Variants in DCAF12 observed in about 807,000 individuals in gnomAD.
DCAF12 encodes DDB1 and CUL4 associated factor 12.
A neutral mutation model predicts 52.8 loss-of-function variants in DCAF12; 28 were observed. That is an observed-to-expected ratio of 0.53 (90% confidence interval 0.39 to 0.73). The LOEUF (loss-of-function observed/expected upper bound fraction) is 0.73, where lower values mean the gene tolerates loss of function less well. Ranked by LOEUF, DCAF12 falls within the 30% of genes least tolerant of loss-of-function variation. The pLI, the probability that DCAF12 is intolerant of heterozygous loss-of-function variation, is 0.00. For synonymous variants in DCAF12, 196 were observed against 215.5 expected (o/e 0.91, Z 0.79); for missense variants, 425 against 552.2 (o/e 0.77, Z 2.31).
At chr9:34,119,718 T>G (rs76502913) in intron 2 of DCAF12, among the ~76,000 whole-genome samples, 1 of 151,368 alleles carries the variant, frequency 6.6e-6, no homozygotes, top group Admixed American at 6.6e-5. Context: ...TTTTTTTTTT[T>G]TGAGACAGGG....
At chr9:34,088,652 G>A in intron 8 of DCAF12, 144 bp from the exon 9 acceptor site, 2 of 861,724 alleles carry the variant, frequency 2.3e-6, no homozygotes, top group Non-Finnish European at 1.8e-6. Flanking sequence ...TGGCTGGTTG[G>A]TTCTCATGGG....
At chr9:34,116,090 G>A (rs141324661) in intron 2 of DCAF12, among the ~76,000 whole-genome samples, 1,927 of 152,272 alleles carry the variant, frequency 0.013, 22 homozygotes, top group Non-Finnish European at 0.021. Flanking sequence ...AGGGCTGGGT[G>A]CGGTGGCTCA....
intron 2 of DCAF12, among the ~76,000 whole-genome samples, chr9:34,117,882 C>A (rs1482176415): frequency 6.6e-6 from 1 of 152,126 alleles, no homozygotes. Flanking sequence ...CCATCACACT[C>A]CAGCCTGGGC....
At chr9:34,089,304 A>G (rs995021747) in intron 8 of DCAF12, 108 bp downstream of exon 8, 2 of 1,259,886 alleles carry the variant, frequency 1.6e-6, no homozygotes, top group Admixed American at 2.4e-5. Context: ...AGTGCCTCTT[A>G]CTAGTGAAAA....
intron 6 of DCAF12, among the ~76,000 whole-genome samples, chr9:34,095,371 CCTT>C (rs1564094591): frequency 1.7e-5 from 2 of 115,208 alleles, no homozygotes; most frequent in Admixed American, 1.0e-4. Flanking sequence ...CCGCGCCAGG[CCTT>C]TTTTTTTTTT....
intron 6 of DCAF12, among the ~76,000 whole-genome samples, chr9:34,095,281 G>A (rs1023841361): frequency 2.0e-5 from 3 of 151,286 alleles, no homozygotes. Flanking sequence ...CGCCATGTTG[G>A]CCAGCATGGT....
At chr9:34,120,999 C>T (rs1015272448) in intron 2 of DCAF12, among the ~76,000 whole-genome samples, 2 of 151,952 alleles carry the variant, frequency 1.3e-5, no homozygotes, top group African/African-American at 2.4e-5. Context: ...ACTAAAAATA[C>T]GAAAATTAGC....
chr9:34,102,666 A>AAACAAC (rs10624115), intron 4 of DCAF12, among the ~76,000 whole-genome samples: 106,363 of 151,022 alleles, frequency 0.7, 38,124 homozygotes, highest in Non-Finnish European at 0.77. Flanking sequence ...ACACACAAAC[A>AAACAAC]AACAACAACA....
intron 2 of DCAF12, among the ~76,000 whole-genome samples, chr9:34,117,393 G>A (rs2131441822): frequency 6.6e-6 from 1 of 151,440 alleles, no homozygotes; most frequent in East Asian, 2.0e-4. Flanking sequence ...CTCGTGATCT[G>A]CCTGCCTCGG....
At chr9:34,106,690 G>A (rs1241637243) in intron 3 of DCAF12, among the ~76,000 whole-genome samples, 196 bp from the exon 4 acceptor site, 13 of 152,148 alleles carry the variant, frequency 8.5e-5, no homozygotes, top group Non-Finnish European at 1.6e-4. Context: ...CTCAAAGCTG[G>A]AATGAAATTG....
intron 4 of DCAF12, among the ~76,000 whole-genome samples, chr9:34,099,053 A>T (rs375833296): frequency 5.2e-4 from 71 of 135,984 alleles, no homozygotes; most frequent in African/African-American, 1.9e-3. Context: ...TACAGGTGTG[A>T]GCCACCACAC....
At chr9:34,103,318 A>G (rs910018392) in intron 4 of DCAF12, among the ~76,000 whole-genome samples, 6 of 151,722 alleles carry the variant, frequency 4.0e-5, no homozygotes, top group Admixed American at 3.9e-4. Flanking sequence ...GAGGCAGGAG[A>G]ATCGCTTGAA....
intron 2 of DCAF12, among the ~76,000 whole-genome samples, chr9:34,121,741 G>A (rs747679094): frequency 1.3e-5 from 2 of 152,050 alleles, no homozygotes; most frequent in Non-Finnish European, 1.5e-5. Flanking sequence ...TCAGAAGATC[G>A]AGACCATCCT....
At chr9:34,105,466 T>G (rs1270715433) in intron 4 of DCAF12, among the ~76,000 whole-genome samples, 1 of 151,804 alleles carries the variant, frequency 6.6e-6, no homozygotes, top group Admixed American at 6.6e-5. Context: ...GACTAGCAAG[T>G]TATATTTTAA....
intron 4 of DCAF12, among the ~76,000 whole-genome samples, chr9:34,100,836 G>A (rs574289693): frequency 6.6e-6 from 1 of 151,160 alleles, no homozygotes; most frequent in Non-Finnish European, 1.5e-5. Flanking sequence ...ATGGAGTCTC[G>A]ATTTGTTGCC....
chr9:34,124,768 A>G (rs1175061748), intron 2 of DCAF12, among the ~76,000 whole-genome samples: 1 of 152,152 alleles, frequency 6.6e-6, no homozygotes, highest in Admixed American at 6.6e-5. Context: ...AAACAAACAA[A>G]CAACCCTCTA....
chr9:34,108,678 C>T (rs569732001), intron 2 of DCAF12, among the ~76,000 whole-genome samples: 54 of 151,706 alleles, frequency 3.6e-4, no homozygotes, highest in Admixed American at 1.4e-3. Context: ...CTCAGCTACT[C>T]GGGAGGCTGA....
chr9:34,110,886 A>G (rs1196503655), intron 2 of DCAF12, among the ~76,000 whole-genome samples: 3 of 152,172 alleles, frequency 2.0e-5, no homozygotes, highest in Admixed American at 1.3e-4. Context: ...ATAATTGCTT[A>G]TAAATATCAT....
At chr9:34,092,732 G>T (rs1423464586) in intron 7 of DCAF12, among the ~76,000 whole-genome samples, 3 of 151,630 alleles carry the variant, frequency 2.0e-5, no homozygotes, top group African/African-American at 7.3e-5. Context: ...CTTTCTAAAA[G>T]AACATGGAAA....
Sources: gnomAD v4.1 joint callset for allele counts (sites outside exome capture counted in the v4.1 genomes callset) on GRCh38, gnomAD v4.1.1 for gene constraint, MANE v1.5 for transcripts, NCBI Gene and HGNC (gene_info 2026-07-23, HGNC 2026-07-21) for gene names.